The following AMPD2 variants were observed in gnomAD, a reference collection of about 807,000 sequenced individuals.
AMPD2 encodes adenosine monophosphate deaminase 2.
Under a neutral mutation model 91.3 loss-of-function variants are expected in AMPD2, and 52 were observed. That is an observed-to-expected ratio of 0.57 (90% CI 0.46 to 0.72). The LOEUF is 0.72. AMPD2 is among the 30% of genes least tolerant of loss of function. AMPD2 has a pLI of 0.00. For synonymous variants in AMPD2, 455 were observed against 456.4 expected, an observed-to-expected ratio of 1.00 and a Z score of 0.04; for missense variants, 822 against 1,122.3, an observed-to-expected ratio of 0.73 and a Z score of 3.82.
Position 109,625,357 on chromosome 1 carries a change from G to C in AMPD2, c.146G>C (p.Gly49Ala), listed in dbSNP as rs1650572841. Residue 49 changes from glycine (G) to alanine (A), a missense_variant, in exon 3 of 19, where the codon GGC becomes GCC. By Grantham distance (60) the Gly-to-Ala change is moderately conservative. Transcript: ENST00000528667. This position sits in a 1 kb window ranked among gnomAD's most constrained non-coding sequence, Gnocchi z 4.0. ...CTGCAGTCTGCCCGATCCCTGCCGG[G>C]CCCCGCCCCCTGCCTCAAGCACTTC... ...PPLQSARSLP[G>A]PAPCLKHFPL... 1.2e-6 allele frequency: 2 copies of C among 1,613,586 alleles called. No homozygotes were observed. Among genetic ancestry groups the C allele is most frequent in the African/African-American group, 1.3e-5 (1 of 74,890 alleles).
In AMPD2 at chr1:109,621,087, C is replaced by G; in HGVS notation, c.-89C>G. On this transcript the variant is annotated 5_prime_UTR_variant, in exon 2 of 19. Coordinates refer to ENST00000528667, the MANE Select transcript of AMPD2 (RefSeq NM_001368809.2). ...CTGCATCAGTCACTCCCGCTGGGGGCGGGGCGGAGGAAGGGGTTGGATGTG... is the reference window on the plus strand; with the variant it reads ...CTGCATCAGTCACTCCCGCTGGGGGGGGGGCGGAGGAAGGGGTTGGATGTG... 1 of 1,609,164 alleles carries G rather than the reference C, an allele frequency of 6.2e-7. No individual in the cohort carries two copies. Among genetic ancestry groups the G allele is most frequent in the Non-Finnish European group, 8.5e-7 (1 of 1,178,408 alleles).
chr1:109,629,979 C>T, intron 16 of AMPD2, 63 bp downstream of exon 16: 2 of 1,543,586 alleles, frequency 1.3e-6, no homozygotes, highest in South Asian at 2.5e-5. Context: ...CCATTCGGGC[C>T]CCTTCAGCAA....
At chr1:109,627,382 C>T (rs773567211) in intron 8 of AMPD2, 47 bp from the exon 9 acceptor site, 1 of 1,613,840 alleles carries the variant, frequency 6.2e-7, no homozygotes, top group South Asian at 1.1e-5. Flanking sequence ...TGGGAGAGGC[C>T]ACAGGGCTCG....
At chr1:109,630,841 C>T (rs775405574) in intron 18 of AMPD2, 48 bp downstream of exon 18, 1 of 1,592,264 alleles carries the variant, frequency 6.3e-7, no homozygotes, top group Non-Finnish European at 8.6e-7. Context: ...CTCCTCCCCT[C>T]CTCTGCATTT....
chr1:109,625,165 A>G lies in AMPD2; in HGVS notation c.92-138A>G. On this transcript the variant is annotated intron_variant, in intron 2 of 18. Coordinates refer to ENST00000528667, the MANE Select transcript of AMPD2 (RefSeq NM_001368809.2). This position sits in a 1 kb window ranked among gnomAD's most constrained non-coding sequence, Gnocchi z 4.0. ...CTTTGGGAGCCACACACACAGGCCT[A>G]CTCCTCAGCTACTGAGGAGGGACTG... 1 of 1,184,078 alleles carries G rather than the reference A, an allele frequency of 8.4e-7. No homozygotes were observed. Among genetic ancestry groups the G allele is most frequent in the South Asian group, 1.5e-5 (1 of 66,360 alleles). The allele number at this position is 1,184,078 out of a possible 1,614,324, so 73.3% of individuals were successfully genotyped here.
In AMPD2 at chr1:109,630,776, A is replaced by G. The variant is rs1422801019; in HGVS notation, c.2251A>G (p.Ser751Gly). The change falls in exon 18 of 19, where the codon AGC becomes GGC. Residue 751 changes from serine to glycine, a missense_variant. Physicochemically the swap from Ser to Gly is moderately conservative, Grantham distance 56. Coordinates refer to ENST00000528667, the MANE Select transcript of AMPD2 (RefSeq NM_001368809.2). ...GCTGGCCCGCAACAGCGTGCTCATG[A>G]GCGGCTTCTCGCACAAGGTACTACA... is the stretch of plus-strand genomic sequence containing the variant. Reference protein sequence around the residue: ...CELARNSVLMSGFSHKVKSHW... With the variant: ...CELARNSVLMGGFSHKVKSHW... The G allele has an allele frequency of 6.2e-7, 1 of 1,609,736 alleles. No individual in the cohort carries two copies. Among genetic ancestry groups the G allele is most frequent in the African/African-American group, 1.3e-5 (1 of 74,874 alleles).
intron 2 of AMPD2, among the ~76,000 whole-genome samples, chr1:109,622,528 C>T (rs1033061419): frequency 2.0e-5 from 3 of 152,278 alleles, no homozygotes; most frequent in African/African-American, 4.8e-5. Context: ...TTGACTTCTC[C>T]GTAAGTGTGG....
chr1:109,625,856 T>G lies in AMPD2; in HGVS notation c.353+64T>G. On this transcript the variant is annotated intron_variant, in intron 4 of 18. Transcript: ENST00000528667. The surrounding 1 kb of genome is among the most constrained non-coding windows in gnomAD (Gnocchi z 4.0). ...CCTTCCAGACCCTTTCAGAGCCCCTTTTCTGCCTCTTTCCCTCGCACCCTG... is the reference window on the plus strand; with the variant it reads ...CCTTCCAGACCCTTTCAGAGCCCCTGTTCTGCCTCTTTCCCTCGCACCCTG... 6.3e-7 allele frequency: 1 copy of G among 1,597,164 alleles called. No homozygotes were observed. Among genetic ancestry groups the G allele is most frequent in the Non-Finnish European group, 8.5e-7 (1 of 1,169,846 alleles).
Position 109,626,362 on chromosome 1 carries a change from C to G in AMPD2, c.466C>G (p.Arg156Gly). ...QGEGQGDRSLRERDVLEREFQ... is the reference protein window; with the variant it reads ...QGEGQGDRSLGERDVLEREFQ... ...TGAGGGGCAGGGTGACCGGAGCCTG[C>G]GGGAGCGTGATGTGCTGGAACGGGA... Residue 156 changes from arginine (R) to glycine (G), a missense_variant, in exon 6 of 19, where the codon CGG becomes GGG. Arg to Gly is a moderately radical substitution (Grantham distance 125). Transcript: ENST00000528667. The G allele has an allele frequency of 6.2e-7, 1 of 1,612,190 alleles. No individual in the cohort carries two copies. The highest frequency in any genetic ancestry group is 8.5e-7 in the Non-Finnish European group (1 of 1,179,228).
chr1:109,621,531 G>A lies in AMPD2; in HGVS notation c.91+265G>A. On this transcript the variant is annotated intron_variant, in intron 2 of 18. Coordinates refer to ENST00000528667, the MANE Select transcript of AMPD2 (RefSeq NM_001368809.2). ...ATGGTGTGGGTGCAGCAAGAGGTGT[G>A]TATGCACACGTGTCAGCGTGTGCAT... is the stretch of plus-strand genomic sequence containing the variant. 5 of 587,016 alleles carry A rather than the reference G, an allele frequency of 8.5e-6. No individual in the cohort carries two copies. The South Asian group carries it at 9.5e-5, about 11-fold the overall frequency. The allele number at this position is 587,016 out of a possible 1,614,324, so 36.4% of individuals were successfully genotyped here. A position where few individuals can be genotyped will look rare whatever the true frequency, so the allele number is the denominator to read the frequency against.
At chr1:109,622,267 G>A (rs775130857) in intron 2 of AMPD2, 38 of 456,218 alleles carry the variant, frequency 8.3e-5, no homozygotes, top group Middle Eastern at 3.2e-4. Context: ...TCCCCTGGGT[G>A]GGGCCCTTCC....
Position 109,627,442 on chromosome 1 carries a change from G to C in AMPD2, c.874G>C (p.Glu292Gln). ...REPDEHCSEV[E>Q]LPYPDLQEFV... is the part of the protein sequence containing the mutation. ...CCTCCATGCCAGTTGCTCAGAGGTGGAGCTGCCATACCCTGACCTGCAGGA... is the reference window on the plus strand; with the variant it reads ...CCTCCATGCCAGTTGCTCAGAGGTGCAGCTGCCATACCCTGACCTGCAGGA... The change falls in exon 9 of 19, where the codon GAG becomes CAG. Residue 292 changes from glutamate to glutamine, a missense_variant. By Grantham distance (29) the Glu-to-Gln change is conservative. This residue lies in a region of AMPD2 where 240 missense variants were observed against 270.3 expected (regional missense o/e 0.89). Transcript: ENST00000528667. The C allele has an allele frequency of 6.2e-7, 1 of 1,614,078 alleles. No individual in the cohort carries two copies. The highest frequency in any genetic ancestry group is 8.5e-7 in the Non-Finnish European group (1 of 1,179,980).
chr1:109,623,962 G>A, intron 2 of AMPD2: 1 of 982,766 alleles, frequency 1.0e-6, no homozygotes, highest in Non-Finnish European at 1.2e-6. Flanking sequence ...CCATCTCAGG[G>A]TCTCCCCTGC....
intron 2 of AMPD2, among the ~76,000 whole-genome samples, chr1:109,623,498 C>T (rs535380709): frequency 6.6e-6 from 1 of 152,288 alleles, no homozygotes; most frequent in South Asian, 2.1e-4. Context: ...CTGGCCCCTA[C>T]CTAGACTGGG....
intron 2 of AMPD2, chr1:109,622,313 C>T (rs755747478): frequency 1.5e-5 from 7 of 456,142 alleles, no homozygotes; most frequent in South Asian, 3.1e-5. Context: ...GCAACTGATA[C>T]GGATCTAGCC....
intron 1 of AMPD2, 28 bp downstream of exon 1, chr1:109,620,306 A>G: frequency 6.2e-7 from 1 of 1,613,170 alleles, no homozygotes; most frequent in Non-Finnish European, 8.5e-7. Flanking sequence ...TGTTGGAGGG[A>G]GGGTCTCTGG....
At position 109,628,340 on chromosome 1, in the gene AMPD2, C is replaced by G. The variant is rs376347050; in HGVS notation, c.1276-24C>G. 1.2e-6 allele frequency: 2 copies of G among 1,613,862 alleles called. No individual in the cohort carries two copies. Among genetic ancestry groups the G allele is most frequent in the Non-Finnish European group, 1.7e-6 (2 of 1,179,888 alleles). On this transcript the variant is annotated intron_variant, in intron 11 of 18. Transcript: ENST00000528667. This position sits in a 1 kb window ranked among gnomAD's most constrained non-coding sequence, Gnocchi z 7.1. ...TCAGGGGACCAGGAGTCACGGGTGA[C>G]CTGAGCCTTCCCATGTCCCCCAGGA...
At chr1:109,626,605 A>G (rs1650709210) in intron 6 of AMPD2, 121 bp from the exon 7 acceptor site, 1 of 1,398,314 alleles carries the variant, frequency 7.2e-7, no homozygotes, top group Non-Finnish European at 9.8e-7. Flanking sequence ...GGGTGATCTG[A>G]GTGTTCCTGG....
chr1:109,629,678 T>C, intron 15 of AMPD2, 118 bp from the exon 16 acceptor site: 4 of 1,484,504 alleles, frequency 2.7e-6, no homozygotes, highest in Non-Finnish European at 3.6e-6. Context: ...GTCCCCCTTA[T>C]CCCAGGCCTG....
Sources: gnomAD v4.1 joint callset for allele counts (sites outside exome capture counted in the v4.1 genomes callset) on GRCh38, gnomAD v4.1.1 for gene constraint, gnomAD v4.1.1 regional missense constraint, Gnocchi (gnomAD v3.1) non-coding constraint, MANE v1.5 for transcripts, NCBI Gene and HGNC (gene_info 2026-07-23, HGNC 2026-07-21) for gene names.